Variants in COMMD10 observed in about 807,000 individuals in gnomAD.
COMMD10 encodes COMM domain-containing protein 10.
A neutral mutation model predicts 28.9 loss-of-function variants in COMMD10; 33 were observed. The observed-to-expected ratio is 1.14, with a 90% confidence interval of 0.87 to 1.53. The LOEUF is 1.53. Ranked by LOEUF, COMMD10 falls within the 40% of genes most tolerant of loss-of-function variation. The pLI is 0.00. For missense variants in COMMD10, 310 were observed against 233.4 expected (o/e 1.33, Z -2.14); for synonymous variants, 110 against 81.7 (o/e 1.35, Z -1.87).
intron 6 of COMMD10, among the ~76,000 whole-genome samples, 182 bp downstream of exon 6, chr5:116,291,758 A>G (rs771643020): frequency 0.052 from 7,949 of 152,176 alleles, 286 homozygotes; most frequent in East Asian, 0.14. Flanking sequence ...TTGAAAAACT[A>G]AATCAGGAAG....
chr5:116,098,967 G>C (rs139342703), intron 4 of COMMD10, among the ~76,000 whole-genome samples: 1 of 152,160 alleles, frequency 6.6e-6, no homozygotes, highest in African/African-American at 2.4e-5. Context: ...TTATGTGTGG[G>C]TGAGTGTGTG....
chr5:116,199,353 T>G (rs1428097289), intron 5 of COMMD10, among the ~76,000 whole-genome samples: 1 of 152,172 alleles, frequency 6.6e-6, no homozygotes, highest in African/African-American at 2.4e-5. Flanking sequence ...TTGGATAACA[T>G]TCCTTTATAT....
At chr5:116,176,749 T>C (rs547457004) in intron 5 of COMMD10, among the ~76,000 whole-genome samples, 7 of 152,164 alleles carry the variant, frequency 4.6e-5, no homozygotes, top group African/African-American at 7.2e-5. Flanking sequence ...TTATTTCTTA[T>C]GATTGTTGTC....
chr5:116,204,687 T>A (rs2112627113), intron 5 of COMMD10, among the ~76,000 whole-genome samples: 1 of 152,324 alleles, frequency 6.6e-6, no homozygotes, highest in South Asian at 2.1e-4. Flanking sequence ...ATATGCTGAA[T>A]ACAAATTCAG....
intron 4 of COMMD10, among the ~76,000 whole-genome samples, chr5:116,105,856 T>G (rs1561603015): frequency 6.6e-6 from 1 of 152,194 alleles, no homozygotes; most frequent in Non-Finnish European, 1.5e-5. Flanking sequence ...TCTTTTCTTC[T>G]TTATTAGTCT....
chr5:116,133,296 A>C (rs561448978), intron 4 of COMMD10, among the ~76,000 whole-genome samples: 8 of 152,348 alleles, frequency 5.3e-5, no homozygotes, highest in Admixed American at 4.6e-4. Flanking sequence ...GTATAAAGTC[A>C]CATCTGTGCT....
At chr5:116,258,222 C>T (rs1750343835) in intron 5 of COMMD10, among the ~76,000 whole-genome samples, 1 of 151,756 alleles carries the variant, frequency 6.6e-6, no homozygotes, top group Admixed American at 6.6e-5. Context: ...AATTTCAATA[C>T]TCTTTTCTAA....
At chr5:116,180,295 G>A (rs10076480) in intron 5 of COMMD10, among the ~76,000 whole-genome samples, 47,671 of 151,958 alleles carry the variant, frequency 0.31, 10,358 homozygotes, top group African/African-American at 0.62. Flanking sequence ...ATTAGCAATA[G>A]TATATCTAAA....
intron 5 of COMMD10, among the ~76,000 whole-genome samples, chr5:116,260,174 A>G (rs10036292): frequency 0.1 from 15,789 of 151,876 alleles, 1,022 homozygotes; most frequent in African/African-American, 0.15. Flanking sequence ...TTTGAAATTA[A>G]GAGAACTAAG....
At chr5:116,135,538 G>A (rs1752000475) in intron 5 of COMMD10, among the ~76,000 whole-genome samples, 1 of 152,062 alleles carries the variant, frequency 6.6e-6, no homozygotes, top group Non-Finnish European at 1.5e-5. Context: ...TTCCCTTTAT[G>A]TGCAGTTTCA....
chr5:116,122,573 G>A (rs1751470944), intron 4 of COMMD10, among the ~76,000 whole-genome samples: 1 of 152,180 alleles, frequency 6.6e-6, no homozygotes, highest in South Asian at 2.1e-4. Flanking sequence ...ACCTTGGGCA[G>A]TATGGCCATT....
intron 5 of COMMD10, among the ~76,000 whole-genome samples, chr5:116,201,931 C>T (rs1748677725): frequency 6.6e-6 from 1 of 151,836 alleles, no homozygotes; most frequent in South Asian, 2.1e-4. Flanking sequence ...TACATGTGCA[C>T]AATGTGCAGG....
At chr5:116,182,210 G>GCAA (rs1244250203) in intron 5 of COMMD10, among the ~76,000 whole-genome samples, 1 of 151,954 alleles carries the variant, frequency 6.6e-6, no homozygotes, top group Admixed American at 6.6e-5. Flanking sequence ...AGGCTTTGAG[G>GCAA]CAACAACAAC....
intron 4 of COMMD10, among the ~76,000 whole-genome samples, chr5:116,119,209 G>A (rs916488132): frequency 6.6e-5 from 10 of 152,144 alleles, no homozygotes; most frequent in African/African-American, 1.7e-4. Flanking sequence ...TCAAGTCTGT[G>A]GGTCAAGGGA....
chr5:116,137,487 A>C (rs1752056297), intron 5 of COMMD10, among the ~76,000 whole-genome samples: 1 of 152,078 alleles, frequency 6.6e-6, no homozygotes, highest in South Asian at 2.1e-4. Flanking sequence ...TACAGTTCTC[A>C]TAAATGTGTA....
chr5:116,248,447 G>T (rs370300713), intron 5 of COMMD10, among the ~76,000 whole-genome samples: 3 of 151,964 alleles, frequency 2.0e-5, no homozygotes, highest in Non-Finnish European at 4.4e-5. Flanking sequence ...CAAAGACTCC[G>T]GAAAGGTAAA....
At chr5:116,086,495 G>T (rs1465701753) in intron 1 of COMMD10, among the ~76,000 whole-genome samples, 1 of 151,344 alleles carries the variant, frequency 6.6e-6, no homozygotes, top group Non-Finnish European at 1.5e-5. Context: ...TTTCCCTCTT[G>T]TTGCGCAGGC....
intron 5 of COMMD10, among the ~76,000 whole-genome samples, chr5:116,213,298 C>T (rs921516931): frequency 2.0e-5 from 3 of 152,112 alleles, no homozygotes; most frequent in Non-Finnish European, 4.4e-5. Context: ...GAATACTAGG[C>T]TCCCTTGCTA....
intron 5 of COMMD10, among the ~76,000 whole-genome samples, chr5:116,273,861 TTTA>T (rs1286037202): frequency 2.0e-5 from 3 of 151,750 alleles, no homozygotes; most frequent in Non-Finnish European, 1.5e-5. Context: ...AAAAAAGGCA[TTTA>T]TTATTAATAA....
Sources: gnomAD v4.1 joint callset for allele counts (sites outside exome capture counted in the v4.1 genomes callset) on GRCh38, gnomAD v4.1.1 for gene constraint, MANE v1.5 for transcripts, NCBI Gene and HGNC (gene_info 2026-07-23, HGNC 2026-07-21) for gene names.